Variants in CHODL observed in about 807,000 individuals in gnomAD.
CHODL encodes transmembrane protein MT75.
A neutral mutation model predicts 34.5 loss-of-function variants in CHODL; 29 were observed. The ratio of observed to expected loss-of-function variants is 0.84; its 90% CI spans 0.63 to 1.15. The LOEUF is 1.15. Ranked by LOEUF, CHODL falls within the 50% of genes most tolerant of loss-of-function variation. The pLI is 0.00. For missense variants in CHODL, 332 were observed against 332.5 expected (o/e 1.00, Z 0.01); for synonymous variants, 125 against 116.1 (o/e 1.08, Z -0.49).
At chr21:18,110,970 A>G (rs1267808557) in intron 2 of CHODL, among the ~76,000 whole-genome samples, 1 of 152,064 alleles carries the variant, frequency 6.6e-6, no homozygotes, top group East Asian at 1.9e-4. Flanking sequence ...CTTGCCCTAT[A>G]TGTTCTCCAG....
intron 1 of CHODL, among the ~76,000 whole-genome samples, chr21:17,976,996 G>A (rs571271673): frequency 6.6e-6 from 1 of 152,284 alleles, no homozygotes; most frequent in Non-Finnish European, 1.5e-5. Flanking sequence ...TAGCCACACT[G>A]TAGTAGAAAC....
intron 2 of CHODL, among the ~76,000 whole-genome samples, chr21:18,183,652 T>C (rs2073407599): frequency 6.6e-6 from 1 of 152,204 alleles, no homozygotes; most frequent in South Asian, 2.1e-4. Context: ...CCCCATTTTG[T>C]TGTGGATTTG....
chr21:18,097,926 A>T (rs1788928306), intron 2 of CHODL, among the ~76,000 whole-genome samples: 1 of 152,098 alleles, frequency 6.6e-6, no homozygotes, highest in African/African-American at 2.4e-5. Flanking sequence ...CACCTGCAGT[A>T]AATTAATTTT....
intron 1 of CHODL, among the ~76,000 whole-genome samples, chr21:17,926,584 A>G (rs2063225165): frequency 6.6e-6 from 1 of 152,182 alleles, no homozygotes; most frequent in Non-Finnish European, 1.5e-5. Context: ...GAGAGATGCA[A>G]GCAGGGGAAA....
intron 1 of CHODL, among the ~76,000 whole-genome samples, chr21:18,254,134 C>CT (rs34046207): frequency 0.15 from 22,465 of 145,442 alleles, 1,786 homozygotes; most frequent in African/African-American, 0.22. Context: ...AGTTTGAATG[C>CT]TTTTTTTTTT....
intron 2 of CHODL, among the ~76,000 whole-genome samples, chr21:18,165,750 AGG>A (rs1399180798): frequency 1.3e-5 from 2 of 152,194 alleles, no homozygotes; most frequent in Non-Finnish European, 2.9e-5. Context: ...TTTCAGTGGC[AGG>A]GTAAATAATC....
chr21:18,245,328 G>C (rs947485166), intron 1 of CHODL, 26 bp downstream of exon 1: 1 of 1,503,856 alleles, frequency 6.6e-7, no homozygotes, highest in African/African-American at 1.4e-5. Context: ...TCTCCCCGAA[G>C]AACGAGCGGG....
At chr21:18,246,376 T>C (rs1027475441) in intron 1 of CHODL, among the ~76,000 whole-genome samples, 2 of 152,216 alleles carry the variant, frequency 1.3e-5, no homozygotes, top group African/African-American at 4.8e-5. Flanking sequence ...AGATGACAGA[T>C]GACAGCAAGT....
chr21:18,178,140 C>T (rs2073339066), intron 2 of CHODL, among the ~76,000 whole-genome samples: 2 of 152,114 alleles, frequency 1.3e-5, no homozygotes, highest in Admixed American at 6.5e-5. Context: ...ATATAATTTT[C>T]TAATATAGTT....
At chr21:18,214,728 T>G (rs542900022) in intron 2 of CHODL, among the ~76,000 whole-genome samples, 1 of 152,240 alleles carries the variant, frequency 6.6e-6, no homozygotes, top group South Asian at 2.1e-4. Context: ...CTAGGTACTG[T>G]TAATTACTAG....
intron 2 of CHODL, among the ~76,000 whole-genome samples, chr21:18,201,103 T>C (rs1486578124): frequency 6.6e-6 from 1 of 152,206 alleles, no homozygotes; most frequent in Non-Finnish European, 1.5e-5. Context: ...ATAGGTAATA[T>C]TTAATATCTG....
At chr21:18,045,913 AC>A (rs1179458915) in intron 2 of CHODL, among the ~76,000 whole-genome samples, 1 of 151,874 alleles carries the variant, frequency 6.6e-6, no homozygotes, top group Non-Finnish European at 1.5e-5. Context: ...ATCACCAGAC[AC>A]TGAACCTGCC....
At chr21:18,122,678 G>T (rs1227300152) in intron 2 of CHODL, among the ~76,000 whole-genome samples, 2 of 151,974 alleles carry the variant, frequency 1.3e-5, no homozygotes, top group Non-Finnish European at 2.9e-5. Flanking sequence ...AATGAAGGTG[G>T]TTTAGAAAAA....
In CHODL at chr21:18,171,198, G is replaced by GTTCTTTTTTTTTTTTTTTTTTTT. The variant is rs1333481522; in HGVS notation, c.-44-85309_-44-85308insCTTTTTTTTTTTTTTTTTTTTTT. Among the ~76,000 whole-genome samples, 40 of 37,066 alleles carry GTTCTTTTTTTTTTTTTTTTTTTT rather than the reference G, an allele frequency of 1.1e-3. 19 individuals are homozygous for GTTCTTTTTTTTTTTTTTTTTTTT. The East Asian group carries it at 0.016, about 15-fold the overall frequency. 24.3% of individuals were successfully genotyped at this position (37,066 alleles called of 152,430 possible). A position where few individuals can be genotyped will look rare whatever the true frequency, so the allele number is the denominator to read the frequency against. The stretch of plus-strand genomic sequence containing the variant: ...TGTTCTTCAGACATGGTTTTCTTTA[G>GTTCTTTTTTTTTTTTTTTTTTTT]TTTTTTTTTTTTTTTTTTTGAGACG... On this transcript the variant is annotated intron_variant, in intron 2 of 6. Coordinates refer to the CHODL transcript ENST00000400127.
intron 2 of CHODL, among the ~76,000 whole-genome samples, chr21:18,158,709 G>A (rs1050045133): frequency 1.3e-5 from 2 of 151,902 alleles, no homozygotes; most frequent in Non-Finnish European, 2.9e-5. Flanking sequence ...GTGGTGGCAG[G>A]TGCCTGTAAT....
intron 2 of CHODL, among the ~76,000 whole-genome samples, chr21:18,205,813 T>G (rs2073705650): frequency 6.6e-6 from 1 of 151,204 alleles, no homozygotes. Context: ...CTCAGCTCAC[T>G]GCAACCTCAG....
chr21:18,042,492 A>T (rs1600929136), intron 2 of CHODL, among the ~76,000 whole-genome samples: 1 of 152,054 alleles, frequency 6.6e-6, no homozygotes, highest in African/African-American at 2.4e-5. Context: ...CATTTTGTAG[A>T]TAAGGAACTT....
chr21:18,125,316 G>T (rs1386353061), intron 2 of CHODL, among the ~76,000 whole-genome samples: 2 of 152,138 alleles, frequency 1.3e-5, no homozygotes, highest in Admixed American at 1.3e-4. Context: ...GCTAACATGT[G>T]CTAGCTACTG....
chr21:17,946,132 T>G (rs988580394), intron 1 of CHODL, among the ~76,000 whole-genome samples: 1 of 151,986 alleles, frequency 6.6e-6, no homozygotes, highest in Admixed American at 6.5e-5. Context: ...AAAAAGAGAT[T>G]CTAGGTTGGG....
Sources: allele counts gnomAD v4.1 joint callset (sites outside exome capture counted in the v4.1 genomes callset), GRCh38; gene constraint gnomAD v4.1.1; transcripts MANE v1.5; gene names NCBI Gene and HGNC (gene_info 2026-07-23, HGNC 2026-07-21).